The following ZSCAN1 variants were observed in gnomAD, a reference collection of about 807,000 sequenced individuals.
ZSCAN1 encodes zinc finger and SCAN domain-containing protein 1.
In ZSCAN1, 23 loss-of-function variants were observed where a neutral mutation model predicts 23.8. That is an observed-to-expected ratio of 0.97 (90% confidence interval 0.70 to 1.37). ZSCAN1 has a LOEUF of 1.37. ZSCAN1 is among the 40% of genes most tolerant of loss of function. The pLI is 0.00. For synonymous variants in ZSCAN1, 236 were observed against 232.3 expected, an observed-to-expected ratio of 1.02 and a Z score of -0.15; for missense variants, 575 against 554.0, an observed-to-expected ratio of 1.04 and a Z score of -0.38.
chr19:58,048,033 G>A (rs1337564612), intron 4 of ZSCAN1, among the ~76,000 whole-genome samples: 3 of 152,348 alleles, frequency 2.0e-5, no homozygotes, highest in Non-Finnish European at 1.5e-5. Context: ...ACATAGGAAT[G>A]GCACAGGCAG....
rs866708691 is a variant in ZSCAN1, at chr19:58,047,839, C to T, written c.466-4651C>T. ...GTGCTTAGGGTTTACCCTGTGCCCT[C>T]TGGGTGGGGTGGCCTCCCTGCACTC... On this transcript the variant is annotated intron_variant, in intron 4 of 5. Transcript: ENST00000282326. The surrounding 1 kb of genome is among the most constrained non-coding windows in gnomAD (Gnocchi z 4.9). Among the ~76,000 whole-genome samples, 1 of 152,188 alleles carries T rather than the reference C, an allele frequency of 6.6e-6. No individual in the cohort carries two copies. The highest frequency in any genetic ancestry group is 1.5e-5 in the Non-Finnish European group (1 of 68,028).
At position 58,049,213 on chromosome 19, in the gene ZSCAN1, G is replaced by T; in HGVS notation, c.466-3277G>T. 1 of 153,742 alleles carries T rather than the reference G, an allele frequency of 6.5e-6. No individual in the cohort carries two copies. 9.5% of individuals were successfully genotyped at this position (153,742 alleles called of 1,614,324 possible). On this transcript the variant is annotated intron_variant, in intron 4 of 5. Coordinates refer to ENST00000282326, the MANE Select transcript of ZSCAN1 (RefSeq NM_182572.4). The surrounding 1 kb of genome is among the most constrained non-coding windows in gnomAD (Gnocchi z 4.5). ...GGTGATCCTATCAATTTGCCATCCA[G>T]CTCCTGTTCTTTCCGTTCCAAGGCC...
chr19:58,046,396 G>T, intron 4 of ZSCAN1: 1 of 888,802 alleles, frequency 1.1e-6, no homozygotes, highest in Non-Finnish European at 1.9e-6. Flanking sequence ...GACAAAAAGG[G>T]TGCAGCAGAT....
At chr19:58,054,811 A>G (rs1020523043), downstream of ZSCAN1, among the ~76,000 whole-genome samples, 1 of 152,202 alleles carries the variant, frequency 6.6e-6, no homozygotes, top group African/African-American at 2.4e-5. The surrounding 1 kb of genome is among the most constrained non-coding windows in gnomAD (Gnocchi z 4.2). Context: ...AGGCCTGACC[A>G]AAACTGACCT....
At chr19:58,043,019 G>T (rs893852848) in intron 4 of ZSCAN1, among the ~76,000 whole-genome samples, 1 of 152,364 alleles carries the variant, frequency 6.6e-6, no homozygotes, top group Admixed American at 6.5e-5. Context: ...CTCCGGGATC[G>T]GGGCGCTGGT....
rs916171877 is a variant in ZSCAN1 at position 58,040,886 on chromosome 19, C to G, written c.465+342C>G. 1.3e-5 allele frequency among the ~76,000 whole-genome samples: 2 copies of G among 152,212 alleles called. No homozygotes were observed. Among genetic ancestry groups the G allele is most frequent in the Non-Finnish European group, 2.9e-5 (2 of 68,036 alleles). On this transcript the variant is annotated intron_variant, in intron 4 of 5. Transcript: ENST00000282326. This position sits in a 1 kb window ranked among gnomAD's most constrained non-coding sequence, Gnocchi z 5.8. ...GAGAAAGTCCTGCTGCCCCGATCAT[C>G]TTCCCTCAGTGAACCCAGGATTCTG...
intron 4 of ZSCAN1, among the ~76,000 whole-genome samples, chr19:58,042,196 A>G (rs1475263910): frequency 1.3e-5 from 2 of 152,214 alleles, no homozygotes; most frequent in South Asian, 2.1e-4. Context: ...TTTTGCTTCT[A>G]AGAGAAGTTA....
chr19:58,049,302 G>A lies in ZSCAN1; in HGVS notation c.466-3188G>A, dbSNP rs545242084. 1 of 152,420 alleles carries A rather than the reference G, an allele frequency of 6.6e-6. No individual in the cohort carries two copies. Among genetic ancestry groups the A allele is most frequent in the Admixed American group, 6.5e-5 (1 of 15,296 alleles). 9.4% of individuals were successfully genotyped at this position (152,420 alleles called of 1,614,324 possible). On this transcript the variant is annotated intron_variant, in intron 4 of 5. Coordinates refer to ENST00000282326, the MANE Select transcript of ZSCAN1 (RefSeq NM_182572.4). This position sits in a 1 kb window ranked among gnomAD's most constrained non-coding sequence, Gnocchi z 4.5. ...AAATCCCCTTGATCTTCCAGTAACT[G>A]TTTTAACTGTGCAATCTGCAACTTC... is the stretch of plus-strand genomic sequence containing the variant.
chr19:58,051,575 G>A (rs141889127), intron 4 of ZSCAN1, among the ~76,000 whole-genome samples: 1 of 151,926 alleles, frequency 6.6e-6, no homozygotes, highest in African/African-American at 2.4e-5. Flanking sequence ...GTGCATCCAG[G>A]TAGGGTTGGG....
At position 58,040,379 on chromosome 19, in the gene ZSCAN1, C is replaced by A; in HGVS notation, c.371-71C>A. ...GGATGTTCGGGGAAAGTCTGCCCTCCCCAGAAGGCCTGGAGAATTGGGGGC... is the reference window on the plus strand; with the variant it reads ...GGATGTTCGGGGAAAGTCTGCCCTCACCAGAAGGCCTGGAGAATTGGGGGC... On this transcript the variant is annotated intron_variant, in intron 3 of 5. Coordinates refer to ENST00000282326, the MANE Select transcript of ZSCAN1 (RefSeq NM_182572.4). The surrounding 1 kb of genome is among the most constrained non-coding windows in gnomAD (Gnocchi z 5.8). 1 of 1,541,156 alleles carries A rather than the reference C, an allele frequency of 6.5e-7. No individual in the cohort carries two copies. The highest frequency in any genetic ancestry group is 8.9e-7 in the Non-Finnish European group (1 of 1,117,336).
At position 58,053,045 on chromosome 19, in the gene ZSCAN1, C is replaced by T. The variant is rs1258989982; in HGVS notation, c.605-384C>T. 1.3e-5 allele frequency among the ~76,000 whole-genome samples: 2 copies of T among 151,744 alleles called. No individual in the cohort carries two copies. The highest frequency in any genetic ancestry group is 2.9e-5 in the Non-Finnish European group (2 of 67,942). On this transcript the variant is annotated intron_variant, in intron 5 of 5. Coordinates refer to ENST00000282326, the MANE Select transcript of ZSCAN1 (RefSeq NM_182572.4). This position sits in a 1 kb window ranked among gnomAD's most constrained non-coding sequence, Gnocchi z 5.8. ...TGTGATCTTGGCTCATTGCAACCTC[C>T]GCCTCCTGGGTTCAAGCGATTCTCC...
chr19:58,052,539 AG>A lies in ZSCAN1; in HGVS notation c.517del (p.Glu173LysfsTer37), dbSNP rs773997538. 6 of 1,613,928 alleles carry A rather than the reference AG, an allele frequency of 3.7e-6. No individual in the cohort carries two copies. In the East Asian group the frequency reaches 8.9e-5, roughly 24 times the overall value. ...GTGGCAGCAGCCCCAGCACTCCCCG[AG>A]GAAAGTGAGTGGCTGGAGACTACCC... is the stretch of plus-strand genomic sequence containing the variant. ...DAVAAAPALPEESEWLETTQL... is the reference protein window; with the variant it reads ...DAVAAAPALPXESEWLETTQL... On this transcript the variant is annotated frameshift_variant, in exon 5 of 6. Coordinates refer to ENST00000282326, the MANE Select transcript of ZSCAN1 (RefSeq NM_182572.4). LOFTEE classifies it high-confidence loss of function.
chr19:58,037,614 G>A (rs914397557), intron 2 of ZSCAN1, 114 bp from the exon 3 acceptor site: 2 of 492,210 alleles, frequency 4.1e-6, no homozygotes, highest in African/African-American at 2.0e-5. Context: ...AAGAGGTCAG[G>A]TTGGTTCCTT....
chr19:58,038,865 G>A (rs35220005), intron 3 of ZSCAN1, among the ~76,000 whole-genome samples: 22,312 of 152,280 alleles, frequency 0.15, 2,007 homozygotes, highest in Middle Eastern at 0.24. Flanking sequence ...AGGCAGCCAC[G>A]GATGGTGAGA....
rs189957856 is a variant in ZSCAN1 at position 58,038,492 on chromosome 19, C to T, written c.370+286C>T. ...GTGTCTGCTGCTCCTCACGGCTGCT[C>T]TCTGGGAAGGACGCTGCCTCGCCAC... is the stretch of plus-strand genomic sequence containing the variant. On this transcript the variant is annotated intron_variant, in intron 3 of 5. Transcript: ENST00000282326. The T allele has an allele frequency of 8.3e-4, 477 of 573,210 alleles. 2 individuals are homozygous for T. In the African/African-American group the frequency reaches 8.6e-3, roughly 10 times the overall value. 35.5% of individuals were successfully genotyped at this position (573,210 alleles called of 1,614,324 possible).
chr19:58,041,331 T>C (rs1447048887), intron 4 of ZSCAN1, among the ~76,000 whole-genome samples: 1 of 152,048 alleles, frequency 6.6e-6, no homozygotes, highest in Non-Finnish European at 1.5e-5. Context: ...CCTAGAGGGG[T>C]CCTGACCTAA....
rs1314660699 is a variant in ZSCAN1, at chr19:58,045,132, T to G, written c.465+4588T>G. The G allele has an allele frequency of 8.0e-7, 1 of 1,246,606 alleles. No individual in the cohort carries two copies. 77.2% of individuals were successfully genotyped at this position (1,246,606 alleles called of 1,614,324 possible). A position where few individuals can be genotyped will look rare whatever the true frequency, so the allele number is the denominator to read the frequency against. The stretch of plus-strand genomic sequence containing the variant: ...CACCAAGATCGCAGCACGCATGCTC[T>G]GGCGCATCCTCAACTGCCACACCCT... On this transcript the variant is annotated intron_variant, in intron 4 of 5. Coordinates refer to ENST00000282326, the MANE Select transcript of ZSCAN1 (RefSeq NM_182572.4). The surrounding 1 kb of genome is among the most constrained non-coding windows in gnomAD (Gnocchi z 4.3).
chr19:58,055,029 C>A (rs1036301583), downstream of ZSCAN1, among the ~76,000 whole-genome samples: 1 of 152,222 alleles, frequency 6.6e-6, no homozygotes, highest in African/African-American at 2.4e-5. Context: ...GGCTTCTCAC[C>A]CGTCCCCAAC....
At chr19:58,041,365 G>A (rs2073788289) in intron 4 of ZSCAN1, among the ~76,000 whole-genome samples, 1 of 152,236 alleles carries the variant, frequency 6.6e-6, no homozygotes, top group African/African-American at 2.4e-5. Flanking sequence ...TAGGTGCCAC[G>A]TGAAGCACAC....
Sources: gnomAD v4.1 joint callset for allele counts (sites outside exome capture counted in the v4.1 genomes callset) on GRCh38, gnomAD v4.1.1 for gene constraint, Gnocchi (gnomAD v3.1) non-coding constraint, MANE v1.5 for transcripts, NCBI Gene and HGNC (gene_info 2026-07-23, HGNC 2026-07-21) for gene names.